The following EIF5B variants were observed in gnomAD, a reference collection of about 807,000 sequenced individuals.
The protein encoded by EIF5B is eukaryotic translation initiation factor 5B, also known as eIF-5B.
In EIF5B, 47 loss-of-function variants were observed where a neutral mutation model predicts 147.5. The ratio of observed to expected loss-of-function variants is 0.32; its 90% CI spans 0.25 to 0.41. The LOEUF (loss-of-function observed/expected upper bound fraction) is 0.41. Ranked by LOEUF, EIF5B falls within the 10% of genes least tolerant of loss-of-function variation. The pLI, the probability that EIF5B is intolerant of heterozygous loss-of-function variation, is 1.00. For missense variants in EIF5B, 1,064 were observed against 1,413.2 expected (o/e 0.75, Z 3.96); for synonymous variants, 455 against 456.2 (o/e 1.00, Z 0.03).
chr2:99,340,691 ATTC>A (rs1370228267), intron 1 of EIF5B: 1 of 152,092 alleles, frequency 6.6e-6, no homozygotes, highest in Admixed American at 6.6e-5. Context: ...CAAGATATTT[ATTC>A]TTGTCTGTGT....
intron 21 of EIF5B, among the ~76,000 whole-genome samples, chr2:99,395,862 G>T (rs1675035255): frequency 1.3e-5 from 2 of 152,136 alleles, no homozygotes; most frequent in African/African-American, 4.8e-5. Context: ...GATAAATGAG[G>T]TCAGAGAGGG....
At position 99,400,968 on chromosome 2, in the gene EIF5B, AAAC is replaced by A; in HGVS notation, c.*1558_*1560del. 3 of 215,904 alleles carry A rather than the reference AAAC, an allele frequency of 1.4e-5. No homozygotes were observed. The South Asian group carries it at 3.0e-4, about 21-fold the overall frequency. The allele number at this position is 215,904 out of a possible 1,614,324, so 13.4% of individuals were successfully genotyped here. ...CAAAATATACATACAGTTCTTTATT[AAAC>A]AACTGTAAACACTTCACTGTAAAAA... is the stretch of plus-strand genomic sequence containing the variant. On this transcript the variant is annotated 3_prime_UTR_variant, in exon 24 of 24. Coordinates refer to ENST00000289371, the MANE Select transcript of EIF5B (RefSeq NM_015904.4).
Position 99,399,536 on chromosome 2 carries a change from G to A in EIF5B, c.*122G>A. On this transcript the variant is annotated 3_prime_UTR_variant, in exon 24 of 24. Coordinates refer to ENST00000289371, the MANE Select transcript of EIF5B (RefSeq NM_015904.4). ...CTGATGGACTTAAGTATGGAAGGAAGAAAAATAGGTGTATAAAATGTTTTC... is the reference window on the plus strand; with the variant it reads ...CTGATGGACTTAAGTATGGAAGGAAAAAAAATAGGTGTATAAAATGTTTTC... 1.2e-6 allele frequency: 1 copy of A among 821,966 alleles called. No homozygotes were observed. The highest frequency in any genetic ancestry group is 1.9e-6 in the Non-Finnish European group (1 of 523,754). The allele number at this position is 821,966 out of a possible 1,614,324, so 50.9% of individuals were successfully genotyped here. A position where few individuals can be genotyped will look rare whatever the true frequency, so the allele number is the denominator to read the frequency against.
At chr2:99,387,325 G>A (rs980722948) in intron 14 of EIF5B, among the ~76,000 whole-genome samples, 1 of 152,152 alleles carries the variant, frequency 6.6e-6, no homozygotes, top group East Asian at 1.9e-4. Context: ...TTTACATTGA[G>A]ATCAGTGATC....
At chr2:99,356,617 G>A (rs1674101364) in intron 1 of EIF5B, among the ~76,000 whole-genome samples, 1 of 152,000 alleles carries the variant, frequency 6.6e-6, no homozygotes, top group African/African-American at 2.4e-5. Context: ...ACTCAACATT[G>A]TGTGTGTGTG....
intron 12 of EIF5B, 103 bp from the exon 13 acceptor site, chr2:99,382,056 G>A: frequency 1.2e-6 from 1 of 855,032 alleles, no homozygotes; most frequent in Non-Finnish European, 1.9e-6. Flanking sequence ...TATGGAAAAG[G>A]GAGTAGTGAT....
chr2:99,352,338 G>A (rs1673984183), intron 1 of EIF5B, among the ~76,000 whole-genome samples: 1 of 152,018 alleles, frequency 6.6e-6, no homozygotes, highest in African/African-American at 2.4e-5. Context: ...TGGGATTACA[G>A]GCATGCGCCA....
intron 1 of EIF5B, among the ~76,000 whole-genome samples, chr2:99,346,695 C>T (rs1439731143): frequency 2.1e-5 from 3 of 142,276 alleles, no homozygotes; most frequent in Non-Finnish European, 4.5e-5. Flanking sequence ...CTCAGCCTCT[C>T]GAGTAGCTGG....
At chr2:99,370,048 C>T (rs778131794) in intron 8 of EIF5B, among the ~76,000 whole-genome samples, 4 of 152,054 alleles carry the variant, frequency 2.6e-5, no homozygotes, top group Non-Finnish European at 4.4e-5. Flanking sequence ...ATTTATGAGT[C>T]AGAAATCTCA....
chr2:99,360,134 GTGC>G, intron 1 of EIF5B, 99 bp from the exon 2 acceptor site: 1 of 1,345,692 alleles, frequency 7.4e-7, no homozygotes, highest in Non-Finnish European at 9.9e-7. Flanking sequence ...TTTTCTCATT[GTGC>G]TGCTAATGCA....
chr2:99,369,587 G>A, intron 8 of EIF5B, 106 bp downstream of exon 8: 1 of 826,752 alleles, frequency 1.2e-6, no homozygotes. Context: ...AACCAAATAA[G>A]TATCTGGCTG....
At chr2:99,373,341 C>T (rs1358268105) in intron 9 of EIF5B, among the ~76,000 whole-genome samples, 2 of 152,160 alleles carry the variant, frequency 1.3e-5, no homozygotes, top group Non-Finnish European at 2.9e-5. Flanking sequence ...AGCATTGGTG[C>T]CTGGTAAAGG....
intron 1 of EIF5B, among the ~76,000 whole-genome samples, chr2:99,339,118 G>A (rs2094252927): frequency 6.7e-6 from 1 of 150,148 alleles, no homozygotes; most frequent in Non-Finnish European, 1.5e-5. Flanking sequence ...TGGTTCAAGC[G>A]ATTCTCCTGC....
At chr2:99,385,346 A>G (rs1480790501) in intron 14 of EIF5B, among the ~76,000 whole-genome samples, 1 of 152,162 alleles carries the variant, frequency 6.6e-6, no homozygotes, top group East Asian at 1.9e-4. Context: ...CGCCCAGCCA[A>G]TGAATCTTTC....
intron 9 of EIF5B, among the ~76,000 whole-genome samples, chr2:99,372,112 C>T (rs1038087302): frequency 3.9e-5 from 6 of 152,002 alleles, no homozygotes; most frequent in Non-Finnish European, 7.4e-5. Context: ...CATTGTTTCC[C>T]CTTCTTTATT....
intron 14 of EIF5B, among the ~76,000 whole-genome samples, chr2:99,384,486 A>G (rs577077807): frequency 6.6e-6 from 1 of 152,246 alleles, no homozygotes; most frequent in Non-Finnish European, 1.5e-5. Flanking sequence ...TCAACTTTCA[A>G]GTATTGTTAC....
chr2:99,392,434 T>G (rs188833576), intron 17 of EIF5B, among the ~76,000 whole-genome samples: 18 of 152,270 alleles, frequency 1.2e-4, no homozygotes, highest in Admixed American at 1.1e-3. Context: ...TACCTAGGAG[T>G]GAAGGCCACA....
chr2:99,362,675 G>C (rs920156935), intron 4 of EIF5B, among the ~76,000 whole-genome samples: 2 of 152,078 alleles, frequency 1.3e-5, no homozygotes, highest in African/African-American at 2.4e-5. Context: ...CTCCAGCCTG[G>C]GCAACAGACT....
chr2:99,391,650 A>G (rs1247761868), intron 17 of EIF5B, among the ~76,000 whole-genome samples: 1 of 152,052 alleles, frequency 6.6e-6, no homozygotes, highest in Non-Finnish European at 1.5e-5. Flanking sequence ...TTTTGTGTCT[A>G]AGAGTACTTC....
Sources: gnomAD v4.1 joint callset for allele counts (sites outside exome capture counted in the v4.1 genomes callset) on GRCh38, gnomAD v4.1.1 for gene constraint, MANE v1.5 for transcripts, NCBI Gene and HGNC (gene_info 2026-07-23, HGNC 2026-07-21) for gene names.